Variants in INTS10 observed in about 807,000 individuals in gnomAD.
INTS10 encodes the protein integrator complex subunit 10, also known as chromosome 8 open reading frame 35.
A neutral mutation model predicts 94.4 loss-of-function variants in INTS10; 44 were observed. The ratio of observed to expected loss-of-function variants is 0.47; its 90% CI spans 0.37 to 0.60. INTS10 has a LOEUF of 0.60. Ranked by LOEUF, INTS10 falls within the 20% of genes least tolerant of loss-of-function variation. INTS10 has a pLI of 0.00. For missense variants in INTS10, 797 were observed against 868.7 expected, an observed-to-expected ratio of 0.92 and a Z score of 1.04; for synonymous variants, 341 against 320.7, an observed-to-expected ratio of 1.06 and a Z score of -0.68.
intron 8 of INTS10, 34 bp from the exon 9 acceptor site, chr8:19,826,392 A>C (rs779731205): frequency 1.8e-5 from 28 of 1,582,996 alleles, no homozygotes. Context: ...TCCTTGCTGC[A>C]CTGGTAAGTG....
chr8:19,818,198 G>A (rs768169538), intron 1 of INTS10, 77 bp from the exon 2 acceptor site: 1 of 1,414,480 alleles, frequency 7.1e-7, no homozygotes, highest in Non-Finnish European at 1.0e-6. Flanking sequence ...CTGCAGGAGG[G>A]CCAACGAGCG....
chr8:19,833,317 A>G lies in INTS10; in HGVS notation c.1526A>G (p.Tyr509Cys), dbSNP rs1219716439. Residue 509 changes from tyrosine to cysteine, a missense_variant, in exon 12 of 17, where the codon TAC (tyrosine) becomes TGC (cysteine). Around this residue, in one of 3 missense-constraint regions of INTS10, gnomAD observed 734 missense variants for 787.8 expected, o/e 0.93. Transcript: ENST00000397977. ...ACGTGCCACTTTGCGCTAGGGGAGT[A>G]CAGAGTGAGTACTGCACACATACAT... ...LATCHFALGE[Y>C]RMTCEKVLDL... The G allele has an allele frequency of 5.0e-6, 8 of 1,607,944 alleles. No individual in the cohort carries two copies. The highest frequency in any genetic ancestry group is 6.8e-6 in the Non-Finnish European group (8 of 1,177,132).
Position 19,822,811 on chromosome 8 carries a change from A to G in INTS10, c.523+291A>G, listed in dbSNP as rs545234697. Among the ~76,000 whole-genome samples, 6 of 152,184 alleles carry G rather than the reference A, an allele frequency of 3.9e-5. No individual in the cohort carries two copies. In the East Asian group the frequency reaches 5.8e-4, roughly 15 times the overall value. The stretch of plus-strand genomic sequence containing the variant: ...CTAAAAATACAAAAATTAGCTGGGC[A>G]TGGTGGCGCACGCCTGTAGTCCCAG... On this transcript the variant is annotated intron_variant, in intron 5 of 16. Transcript: ENST00000397977.
chr8:19,834,207 T>C lies in INTS10; in HGVS notation c.1530+886T>C, dbSNP rs188035145. Among the ~76,000 whole-genome samples, 244 of 152,292 alleles carry C rather than the reference T, an allele frequency of 1.6e-3. 1 individual carries two copies. The highest frequency in any genetic ancestry group is 5.7e-3 in the African/African-American group (237 of 41,564). On this transcript the variant is annotated intron_variant, in intron 12 of 16. Coordinates refer to ENST00000397977, the MANE Select transcript of INTS10 (RefSeq NM_018142.4). Reference sequence around the variant, plus strand: ...ACCGTGTTGTTGTGTATGCAAGGACTGTATAAACTCAAGGCCACAGCATAA... The same window carrying C: ...ACCGTGTTGTTGTGTATGCAAGGACCGTATAAACTCAAGGCCACAGCATAA...
chr8:19,836,803 T>C (rs1177857370), intron 12 of INTS10, among the ~76,000 whole-genome samples: 2 of 152,246 alleles, frequency 1.3e-5, no homozygotes, highest in Non-Finnish European at 2.9e-5. Flanking sequence ...GGTTAATTTT[T>C]AAGTTTTGTT....
At chr8:19,825,524 CA>C (rs56304709) in intron 8 of INTS10, among the ~76,000 whole-genome samples, 30 of 140,112 alleles carry the variant, frequency 2.1e-4, no homozygotes, top group South Asian at 2.3e-4. Context: ...GACTCCATCT[CA>C]AAAAAAAAAA....
Position 19,817,682 on chromosome 8 carries a change from T to C in INTS10, c.129+16T>C, listed in dbSNP as rs1335494885. On this transcript the variant is annotated intron_variant, in intron 1 of 16. Transcript: ENST00000397977. ...TAACATCCAGGTGAGGTCCCGGCTG[T>C]GCATGCGGCCGCTCTGCGTGGAGGT... is the stretch of plus-strand genomic sequence containing the variant. 6.3e-7 allele frequency: 1 copy of C among 1,598,696 alleles called. No individual in the cohort carries two copies. Among genetic ancestry groups the C allele is most frequent in the African/African-American group, 1.3e-5 (1 of 74,562 alleles).
Position 19,849,503 on chromosome 8 carries a change from T to C in INTS10, c.1977-2146T>C, listed in dbSNP as rs1590081217. 6.6e-6 allele frequency among the ~76,000 whole-genome samples: 1 copy of C among 152,238 alleles called. No individual in the cohort carries two copies. Among genetic ancestry groups the C allele is most frequent in the African/African-American group, 2.4e-5 (1 of 41,460 alleles). ...GAAAGCTATATAAATCTGTATTCAA[T>C]TAAGTGCACATTAGCTTAGGTGCAC... On this transcript the variant is annotated intron_variant, in intron 16 of 16. Coordinates refer to ENST00000397977, the MANE Select transcript of INTS10 (RefSeq NM_018142.4). The surrounding 1 kb of genome is among the most constrained non-coding windows in gnomAD (Gnocchi z 4.6).
At chr8:19,840,927 G>A (rs1345557980) in intron 13 of INTS10, among the ~76,000 whole-genome samples, 1 of 152,182 alleles carries the variant, frequency 6.6e-6, no homozygotes, top group Non-Finnish European at 1.5e-5. Context: ...ACTTGGTAAT[G>A]CTAAGTTAGT....
chr8:19,823,122 C>G (rs2066515786), intron 5 of INTS10, among the ~76,000 whole-genome samples, 179 bp from the exon 6 acceptor site: 1 of 152,158 alleles, frequency 6.6e-6, no homozygotes, highest in South Asian at 2.1e-4. Flanking sequence ...TGTTTCCTCC[C>G]TGACTCCAGC....
chr8:19,838,606 A>T (rs1590023458), intron 13 of INTS10, among the ~76,000 whole-genome samples: 1 of 152,322 alleles, frequency 6.6e-6, no homozygotes, highest in Non-Finnish European at 1.5e-5. Flanking sequence ...AATAACCCTG[A>T]TAGTAAAACC....
In INTS10 at chr8:19,833,255, G is replaced by T; in HGVS notation, c.1464G>T (p.Gly488=). The T allele has an allele frequency of 6.2e-7, 1 of 1,613,016 alleles. No individual in the cohort carries two copies. The highest frequency in any genetic ancestry group is 8.5e-7 in the Non-Finnish European group (1 of 1,179,470). ...SISQPQITGQ[G]TLEHQRALIQ... ...CTCAGCCACAGATCACAGGGCAGGG[G>T]ACCCTGGAGCATCAGAGGGCGCTCA... is the stretch of plus-strand genomic sequence containing the variant. Residue 488 remains glycine (G), a synonymous_variant, in exon 12 of 17, where the codon GGG becomes GGT. Coordinates refer to ENST00000397977, the MANE Select transcript of INTS10 (RefSeq NM_018142.4).
At chr8:19,838,535 C>T (rs1422342629) in intron 13 of INTS10, among the ~76,000 whole-genome samples, 1 of 152,116 alleles carries the variant, frequency 6.6e-6, no homozygotes, top group African/African-American at 2.4e-5. Flanking sequence ...AGTGCCAATT[C>T]TACACAAACT....
chr8:19,833,062 T>G, intron 11 of INTS10, 107 bp from the exon 12 acceptor site: 1 of 897,562 alleles, frequency 1.1e-6, no homozygotes. Context: ...GCTACCGTCT[T>G]TGTATAGTTG....
chr8:19,822,651 T>A (rs562968783), intron 5 of INTS10, 131 bp downstream of exon 5: 1 of 569,604 alleles, frequency 1.8e-6, no homozygotes, highest in African/African-American at 1.9e-5. Context: ...TTCTTTTTTT[T>A]TTAATTTAGA....
intron 12 of INTS10, among the ~76,000 whole-genome samples, chr8:19,833,847 A>G (rs529988570): frequency 1.3e-5 from 2 of 152,144 alleles, no homozygotes; most frequent in South Asian, 4.1e-4. Context: ...ATCTCTATTA[A>G]AATACAAAAA....
chr8:19,820,354 TA>T (rs1563328212), intron 3 of INTS10, 24 bp from the exon 4 acceptor site: 2 of 1,591,134 alleles, frequency 1.3e-6, no homozygotes, highest in South Asian at 2.2e-5. Flanking sequence ...AAGAAACTTT[TA>T]AAAGTGAAAT....
chr8:19,851,633 C>T lies in INTS10; in HGVS notation c.1977-16C>T, dbSNP rs562609571. On this transcript the variant is annotated splice_polypyrimidine_tract_variant and intron_variant, in intron 16 of 16. Transcript: ENST00000397977. The surrounding 1 kb of genome is among the most constrained non-coding windows in gnomAD (Gnocchi z 5.0). ...TAACCCCTGGTCTTTGTCTGTTTCC[C>T]TATTGCTGACCTCAGGCACCACACT... The T allele has an allele frequency of 3.1e-6, 5 of 1,613,786 alleles. No individual in the cohort carries two copies. The highest frequency in any genetic ancestry group is 4.2e-6 in the Non-Finnish European group (5 of 1,179,826).
intron 9 of INTS10, among the ~76,000 whole-genome samples, chr8:19,827,507 C>T (rs1325556667): frequency 6.6e-6 from 1 of 152,220 alleles, no homozygotes; most frequent in African/African-American, 2.4e-5. Flanking sequence ...AGCATTTTCT[C>T]TGCCTCGTCC....
Sources: allele counts gnomAD v4.1 joint callset (sites outside exome capture counted in the v4.1 genomes callset), GRCh38; gene constraint gnomAD v4.1.1; regional missense constraint gnomAD v4.1.1; non-coding constraint Gnocchi (gnomAD v3.1); transcripts MANE v1.5; gene names NCBI Gene and HGNC (gene_info 2026-07-23, HGNC 2026-07-21).